The following SCAPER variants were observed in gnomAD, a reference collection of about 807,000 sequenced individuals.
SCAPER encodes S phase cyclin A-associated protein in the endoplasmic reticulum.
A neutral mutation model predicts 182.2 loss-of-function variants in SCAPER; 98 were observed. That is an observed-to-expected ratio of 0.54 (90% CI 0.46 to 0.64). SCAPER has a LOEUF of 0.64. Ranked by LOEUF, SCAPER falls within the 30% of genes least tolerant of loss-of-function variation. The pLI, the probability that SCAPER is intolerant of heterozygous loss-of-function variation, is 0.00. For missense variants in SCAPER, 1,432 were observed against 1,690.0 expected (o/e 0.85, Z 2.68); for synonymous variants, 605 against 564.6 (o/e 1.07, Z -1.01).
chr15:76,486,861 A>C (rs1313731714), intron 24 of SCAPER, among the ~76,000 whole-genome samples: 1 of 152,246 alleles, frequency 6.6e-6, no homozygotes, highest in Non-Finnish European at 1.5e-5. Flanking sequence ...AAAGGAATAT[A>C]AATTGGTCTA....
rs1174559871 is a variant in SCAPER at position 76,470,590 on chromosome 15, A to G, written c.3078+622T>C. 2.6e-5 allele frequency among the ~76,000 whole-genome samples: 4 copies of G among 152,184 alleles called. No homozygotes were observed. In the East Asian group the frequency reaches 5.8e-4, roughly 22 times the overall value. Reference sequence around the variant, plus strand: ...TTTTGTGCCAATACCTCAGGGGCTTAGAAACTTCACCAGGAAACTCCTGGC... The same window carrying G: ...TTTTGTGCCAATACCTCAGGGGCTTGGAAACTTCACCAGGAAACTCCTGGC... On this transcript the variant is annotated intron_variant, in intron 25 of 31. Coordinates refer to ENST00000563290, the MANE Select transcript of SCAPER (RefSeq NM_020843.4).
At chr15:76,352,029 C>T (rs2141633598) in intron 30 of SCAPER, among the ~76,000 whole-genome samples, 1 of 152,206 alleles carries the variant, frequency 6.6e-6, no homozygotes, top group South Asian at 2.1e-4. Context: ...ATCTTTAGAT[C>T]CTGATATCAT....
chr15:76,698,386 G>A (rs1411787826), intron 20 of SCAPER, among the ~76,000 whole-genome samples: 1 of 152,070 alleles, frequency 6.6e-6, no homozygotes, highest in Admixed American at 6.6e-5. Flanking sequence ...CTCAAACACT[G>A]GAGACTTTTA....
intron 17 of SCAPER, among the ~76,000 whole-genome samples, chr15:76,715,035 A>G (rs546676528): frequency 6.6e-6 from 1 of 152,196 alleles, no homozygotes; most frequent in East Asian, 1.9e-4. Context: ...ATACCCTACC[A>G]CAAACGGCCA....
intron 15 of SCAPER, among the ~76,000 whole-genome samples, chr15:76,745,191 G>T (rs1289818463): frequency 6.6e-6 from 1 of 152,156 alleles, no homozygotes; most frequent in Non-Finnish European, 1.5e-5. Flanking sequence ...TGTAATCCCA[G>T]CACTTTGGGA....
intron 24 of SCAPER, among the ~76,000 whole-genome samples, chr15:76,482,754 C>T (rs1032041104): frequency 5.8e-4 from 5 of 8,646 alleles, no homozygotes; most frequent in Non-Finnish European, 2.5e-3. Context: ...TAAATTAGCA[C>T]CAAAAAAAAG....
chr15:76,789,023 T>G (rs976817895), intron 8 of SCAPER, among the ~76,000 whole-genome samples: 3 of 152,182 alleles, frequency 2.0e-5, no homozygotes, highest in African/African-American at 4.8e-5. Context: ...CTGAAATAAT[T>G]TAAAGCAAAT....
At chr15:76,520,902 A>T (rs2042784271) in intron 23 of SCAPER, among the ~76,000 whole-genome samples, 1 of 152,192 alleles carries the variant, frequency 6.6e-6, no homozygotes, top group South Asian at 2.1e-4. Flanking sequence ...TTGAACTAAA[A>T]TGTCTATAAA....
chr15:76,424,986 A>G (rs916947109), intron 26 of SCAPER, among the ~76,000 whole-genome samples: 1 of 152,296 alleles, frequency 6.6e-6, no homozygotes, highest in African/African-American at 2.4e-5. Context: ...CTGAGAGATC[A>G]GCTGTTAGTC....
At chr15:76,781,748 C>T (rs1399520787) in intron 8 of SCAPER, among the ~76,000 whole-genome samples, 2 of 151,892 alleles carry the variant, frequency 1.3e-5, no homozygotes, top group East Asian at 3.9e-4. Context: ...CATTATTAAA[C>T]AAAAAATTTT....
intron 22 of SCAPER, among the ~76,000 whole-genome samples, chr15:76,618,365 T>C (rs1418970342): frequency 6.6e-6 from 1 of 152,246 alleles, no homozygotes; most frequent in African/African-American, 2.4e-5. Flanking sequence ...AGCTGAGTCC[T>C]ATCTCATATT....
chr15:76,581,609 C>CA (rs2048279422), intron 22 of SCAPER, among the ~76,000 whole-genome samples: 1 of 152,160 alleles, frequency 6.6e-6, no homozygotes, highest in South Asian at 2.1e-4. Context: ...TGTTTGGAGA[C>CA]AGAGTCTCGC....
At chr15:76,515,571 C>T (rs2042354728) in intron 23 of SCAPER, among the ~76,000 whole-genome samples, 1 of 152,196 alleles carries the variant, frequency 6.6e-6, no homozygotes, top group South Asian at 2.1e-4. Context: ...ATGGGTCCAG[C>T]AGCTCCCAGG....
At chr15:76,476,417 C>T (rs140008505) in intron 24 of SCAPER, among the ~76,000 whole-genome samples, 2 of 151,042 alleles carry the variant, frequency 1.3e-5, no homozygotes, top group Non-Finnish European at 3.0e-5. Context: ...CCTTCCTTTC[C>T]TTTCTTTTCT....
rs545533623 is a variant in SCAPER at position 76,369,303 on chromosome 15, C to A, written c.3855+6859G>T. Among the ~76,000 whole-genome samples the A allele has an allele frequency of 7.6e-4, 116 of 152,350 alleles. 1 individual carries two copies. Among genetic ancestry groups the A allele is most frequent in the African/African-American group, 2.7e-3 (112 of 41,590 alleles). On this transcript the variant is annotated intron_variant, in intron 29 of 31. Coordinates refer to ENST00000563290, the MANE Select transcript of SCAPER (RefSeq NM_020843.4). Reference sequence around the variant, plus strand: ...TGGACAAATTGGTTCTGTAAATTAACATGACTTCTGACTAATGATAAGGAA... The same window carrying A: ...TGGACAAATTGGTTCTGTAAATTAAAATGACTTCTGACTAATGATAAGGAA...
chr15:76,796,966 A>G (rs2065371786), intron 7 of SCAPER, among the ~76,000 whole-genome samples: 1 of 152,240 alleles, frequency 6.6e-6, no homozygotes, highest in Non-Finnish European at 1.5e-5. Flanking sequence ...AATGCCATAC[A>G]GTGCCAGGCA....
At chr15:76,649,242 C>T (rs962875332) in intron 21 of SCAPER, among the ~76,000 whole-genome samples, 1 of 152,120 alleles carries the variant, frequency 6.6e-6, no homozygotes, top group African/African-American at 2.4e-5. Flanking sequence ...ACAATGACGT[C>T]ACTTCAATAG....
At chr15:76,791,784 G>A (rs2065021385) in intron 8 of SCAPER, among the ~76,000 whole-genome samples, 2 of 152,032 alleles carry the variant, frequency 1.3e-5, no homozygotes, top group African/African-American at 2.4e-5. Flanking sequence ...TTAAATTCAG[G>A]AATGCAGTGG....
chr15:76,857,793 GT>G lies in SCAPER; in HGVS notation c.195+15del. ...AAATTAAAAGTAAATAAGTAAAAAA[GT>G]TATAGATGCTGTACCTGTTTAGTAG... On this transcript the variant is annotated intron_variant, in intron 4 of 31. Transcript: ENST00000563290. 2 of 1,467,970 alleles carry G rather than the reference GT, an allele frequency of 1.4e-6. No homozygotes were observed. Among genetic ancestry groups the G allele is most frequent in the Non-Finnish European group, 1.8e-6 (2 of 1,094,392 alleles). 90.9% of individuals were successfully genotyped at this position (1,467,970 alleles called of 1,614,324 possible). A position where few individuals can be genotyped will look rare whatever the true frequency, so the allele number is the denominator to read the frequency against.
Sources: gnomAD v4.1 joint callset for allele counts (sites outside exome capture counted in the v4.1 genomes callset) on GRCh38, gnomAD v4.1.1 for gene constraint, MANE v1.5 for transcripts, NCBI Gene and HGNC (gene_info 2026-07-23, HGNC 2026-07-21) for gene names.